The following BIN2 variants were observed in gnomAD, a reference collection of about 807,000 sequenced individuals.
BIN2 encodes the protein bridging integrator 2.
A neutral mutation model predicts 67.9 loss-of-function variants in BIN2; 43 were observed. That is an observed-to-expected ratio of 0.63 (90% CI 0.50 to 0.82). BIN2 has a LOEUF of 0.82. Among genes scored for constraint, BIN2 ranks in the 40% least tolerant of loss-of-function variants. The pLI, the probability that BIN2 is intolerant of heterozygous loss-of-function variation, is 0.00. For synonymous variants in BIN2, 244 were observed against 246.8 expected (o/e 0.99, Z 0.11); for missense variants, 581 against 671.6 (o/e 0.87, Z 1.49).
At chr12:51,284,618 TGCCGGATTCCCCTTGTA>T in intron 12 of BIN2, 81 bp downstream of exon 12, 1 of 963,610 alleles carries the variant, frequency 1.0e-6, no homozygotes, top group Admixed American at 1.8e-5. Context: ...TATGGTTCAC[TGCCGGATTCCCCTTGTA>T]GCCTGTGGTG....
At chr12:51,283,993 CA>C (rs34571040) in intron 12 of BIN2, among the ~76,000 whole-genome samples, 12,450 of 133,064 alleles carry the variant, frequency 0.094, 577 homozygotes, top group Non-Finnish European at 0.11. Context: ...AACTCCGTCT[CA>C]AAAAAAAAAA....
At chr12:51,315,561 A>T (rs1191830305) in intron 1 of BIN2, among the ~76,000 whole-genome samples, 1 of 152,200 alleles carries the variant, frequency 6.6e-6, no homozygotes, top group Non-Finnish European at 1.5e-5. Context: ...TAAACTGTGC[A>T]TGGCTTTTAA....
intron 10 of BIN2, among the ~76,000 whole-genome samples, chr12:51,288,904 A>C (rs762540905): frequency 3.3e-5 from 5 of 151,782 alleles, no homozygotes; most frequent in Admixed American, 1.3e-4. Flanking sequence ...ACACACCACC[A>C]TGCCCAACAA....
intron 2 of BIN2, among the ~76,000 whole-genome samples, chr12:51,310,907 C>A (rs529748101): frequency 3.9e-5 from 6 of 151,944 alleles, no homozygotes; most frequent in Admixed American, 1.3e-4. Flanking sequence ...TACAGGAGCA[C>A]ACCACCATGA....
intron 2 of BIN2, among the ~76,000 whole-genome samples, chr12:51,311,522 A>G (rs939065617): frequency 3.3e-5 from 5 of 151,796 alleles, no homozygotes; most frequent in Non-Finnish European, 4.4e-5. Context: ...TGGGACTACA[A>G]GCATGTGCTA....
At chr12:51,291,488 A>T (rs1035047932) in intron 10 of BIN2, 103 bp downstream of exon 10, 2 of 1,158,786 alleles carry the variant, frequency 1.7e-6, no homozygotes, top group Non-Finnish European at 2.4e-6. Flanking sequence ...GACTGCAATG[A>T]GCTGTGATCG....
At chr12:51,299,347 G>T in intron 6 of BIN2, 59 bp from the exon 7 acceptor site, 1 of 1,491,524 alleles carries the variant, frequency 6.7e-7, no homozygotes, top group Non-Finnish European at 9.3e-7. Context: ...ACTACAGCAT[G>T]CCTCCTTCAT....
intron 11 of BIN2, among the ~76,000 whole-genome samples, 154 bp from the exon 12 acceptor site, chr12:51,284,941 G>T (rs1945200795): frequency 2.6e-5 from 4 of 152,174 alleles, no homozygotes; most frequent in Admixed American, 6.5e-5. Flanking sequence ...GAGCCTGAAG[G>T]CATCGGGAAA....
At chr12:51,309,796 T>A (rs1158724656) in intron 2 of BIN2, among the ~76,000 whole-genome samples, 1 of 152,216 alleles carries the variant, frequency 6.6e-6, no homozygotes, top group Non-Finnish European at 1.5e-5. Flanking sequence ...TCCCATCAGA[T>A]CTTGTTCTTC....
At chr12:51,320,648 T>C (rs1251207000) in intron 1 of BIN2, among the ~76,000 whole-genome samples, 4 of 151,882 alleles carry the variant, frequency 2.6e-5, no homozygotes, top group African/African-American at 9.6e-5. Flanking sequence ...TTTTTTTTTT[T>C]TTTTAACTAG....
intron 12 of BIN2, among the ~76,000 whole-genome samples, chr12:51,284,160 T>C (rs1472042994): frequency 6.6e-6 from 1 of 152,190 alleles, no homozygotes; most frequent in African/African-American, 2.4e-5. Context: ...CCACTCATGA[T>C]AGTGCCCTAT....
chr12:51,297,266 G>A (rs1312921915), intron 7 of BIN2, 102 bp from the exon 8 acceptor site: 6 of 1,167,146 alleles, frequency 5.1e-6, no homozygotes, highest in Admixed American at 4.1e-5. Context: ...AGCCACCAAG[G>A]CTCCTAAATG....
chr12:51,282,002 T>C (rs1358367998), intron 12 of BIN2, among the ~76,000 whole-genome samples: 1 of 152,162 alleles, frequency 6.6e-6, no homozygotes, highest in African/African-American at 2.4e-5. Flanking sequence ...CCCAAAGTGC[T>C]GGGATTACAG....
At chr12:51,299,555 G>C (rs559036732) in intron 6 of BIN2, 52 bp downstream of exon 6, 2 of 1,536,702 alleles carry the variant, frequency 1.3e-6, no homozygotes, top group East Asian at 4.5e-5. Flanking sequence ...CCACCATGGG[G>C]AGAAGGAGAA....
At chr12:51,292,409 C>T (rs1592255828) in intron 9 of BIN2, 65 bp from the exon 10 acceptor site, 1 of 1,442,996 alleles carries the variant, frequency 6.9e-7, no homozygotes, top group East Asian at 2.3e-5. Flanking sequence ...ATATGCAAAA[C>T]TTACGATGCA....
At chr12:51,324,283 G>A (rs1013909166), upstream of BIN2, 48 of 1,406,380 alleles carry the variant, frequency 3.4e-5, no homozygotes, top group Non-Finnish European at 4.3e-5. Context: ...GCTGGAGCAG[G>A]CCGGCTCGGA....
chr12:51,318,707 A>T (rs1946193273), intron 1 of BIN2, among the ~76,000 whole-genome samples: 1 of 152,052 alleles, frequency 6.6e-6, no homozygotes, highest in African/African-American at 2.4e-5. Flanking sequence ...AGTCATTAAA[A>T]CTTTTGAGCC....
At chr12:51,321,674 C>T (rs1398406923) in intron 1 of BIN2, among the ~76,000 whole-genome samples, 5 of 152,348 alleles carry the variant, frequency 3.3e-5, no homozygotes, top group African/African-American at 1.2e-4. Flanking sequence ...GCTGGGATTA[C>T]AGGCGTGAGC....
chr12:51,314,188 C>T (rs1946067430), intron 1 of BIN2, among the ~76,000 whole-genome samples: 1 of 152,046 alleles, frequency 6.6e-6, no homozygotes, highest in Non-Finnish European at 1.5e-5. Flanking sequence ...GCTGGGATTA[C>T]AGGCGTGTAC....
Sources: allele counts gnomAD v4.1 joint callset (sites outside exome capture counted in the v4.1 genomes callset), GRCh38; gene constraint gnomAD v4.1.1; transcripts MANE v1.5; gene names NCBI Gene and HGNC (gene_info 2026-07-23, HGNC 2026-07-21).